TAX1BP1: variants seen among roughly 807,000 people sequenced by gnomAD.
The protein encoded by TAX1BP1 is tax1-binding protein 1.
TAX1BP1 carries 62 observed loss-of-function variants against 97.7 expected under a neutral mutation model. The ratio of observed to expected loss-of-function variants is 0.63; its 90% confidence interval spans 0.52 to 0.78. TAX1BP1 has a LOEUF of 0.78. TAX1BP1 is among the 30% of genes least tolerant of loss of function. TAX1BP1 has a pLI of 0.00. For missense variants in TAX1BP1, 867 were observed against 916.1 expected, an observed-to-expected ratio of 0.95 and a Z score of 0.69; for synonymous variants, 340 against 304.2, an observed-to-expected ratio of 1.12 and a Z score of -1.23.
chr7:27,819,313 T>A (rs1363979263), intron 15 of TAX1BP1, among the ~76,000 whole-genome samples: 1 of 152,210 alleles, frequency 6.6e-6, no homozygotes, highest in Non-Finnish European at 1.5e-5. Context: ...TTAATGTGTT[T>A]ATTTCATTCC....
chr7:27,820,792 A>C (rs961115939), intron 15 of TAX1BP1, among the ~76,000 whole-genome samples: 1 of 152,230 alleles, frequency 6.6e-6, no homozygotes, highest in African/African-American at 2.4e-5. Flanking sequence ...TAGATTAGGC[A>C]GTAGTTTCTT....
intron 15 of TAX1BP1, among the ~76,000 whole-genome samples, chr7:27,825,251 A>C (rs1198291663): frequency 6.7e-6 from 1 of 149,590 alleles, no homozygotes; most frequent in Non-Finnish European, 1.5e-5. Context: ...TTTTTTTTTA[A>C]CTGTCAGTCG....
intron 13 of TAX1BP1, among the ~76,000 whole-genome samples, chr7:27,804,870 T>G (rs1201511674): frequency 6.6e-6 from 1 of 152,258 alleles, no homozygotes; most frequent in Non-Finnish European, 1.5e-5. Flanking sequence ...CATCTTTTTT[T>G]AAACAGCTGT....
rs566614042 is a variant in TAX1BP1, at chr7:27,802,212, T to C, written c.1764+2122T>C. ...GGTGCTAGTTCTGTTAAGAATGTTCTAGGAGAAAAGAGACCCAATCACAGC... is the reference window on the plus strand; with the variant it reads ...GGTGCTAGTTCTGTTAAGAATGTTCCAGGAGAAAAGAGACCCAATCACAGC... On this transcript the variant is annotated intron_variant, in intron 13 of 16. Coordinates refer to ENST00000396319, the MANE Select transcript of TAX1BP1 (RefSeq NM_006024.7). 7.2e-5 allele frequency among the ~76,000 whole-genome samples: 11 copies of C among 152,330 alleles called. No individual in the cohort carries two copies. The South Asian group carries it at 2.3e-3, about 32-fold the overall frequency.
chr7:27,744,757 A>C (rs1002094446), intron 1 of TAX1BP1, among the ~76,000 whole-genome samples: 1 of 152,186 alleles, frequency 6.6e-6, no homozygotes, highest in Non-Finnish European at 1.5e-5. Flanking sequence ...TAAAGATAAC[A>C]TTGAAATGCT....
intron 15 of TAX1BP1, among the ~76,000 whole-genome samples, chr7:27,822,914 G>A (rs1040964250): frequency 3.3e-5 from 5 of 152,004 alleles, no homozygotes; most frequent in Admixed American, 1.3e-4. Context: ...TATAGTTTTA[G>A]CTCTTATATT....
intron 5 of TAX1BP1, among the ~76,000 whole-genome samples, chr7:27,782,028 A>T (rs184630678): frequency 1.3e-5 from 2 of 152,132 alleles, no homozygotes; most frequent in Non-Finnish European, 2.9e-5. Context: ...ACTATACTAA[A>T]TGTATAAAAT....
intron 5 of TAX1BP1, among the ~76,000 whole-genome samples, chr7:27,779,031 G>A (rs1035591006): frequency 2.6e-5 from 4 of 151,912 alleles, no homozygotes; most frequent in Admixed American, 1.3e-4. Flanking sequence ...GTAACCTTGA[G>A]TCTACTTTCT....
At chr7:27,811,369 T>C (rs1790553682) in intron 13 of TAX1BP1, among the ~76,000 whole-genome samples, 1 of 152,224 alleles carries the variant, frequency 6.6e-6, no homozygotes, top group African/African-American at 2.4e-5. Context: ...TAAGTTGACT[T>C]GCATTTTTCT....
At chr7:27,768,520 A>G (rs185902219) in intron 4 of TAX1BP1, among the ~76,000 whole-genome samples, 1 of 152,010 alleles carries the variant, frequency 6.6e-6, no homozygotes, top group East Asian at 1.9e-4. Context: ...ATGTTGTGCT[A>G]TGTCAAGATA....
chr7:27,799,497 A>G (rs1166068772), intron 12 of TAX1BP1, among the ~76,000 whole-genome samples: 1 of 152,146 alleles, frequency 6.6e-6, no homozygotes, highest in Admixed American at 6.5e-5. Context: ...CAAAAGTAAT[A>G]TATACTTATT....
chr7:27,775,824 A>G lies in TAX1BP1; in HGVS notation c.612+5990A>G, dbSNP rs539965327. ...CAGAATAAAAACCAACATGGACTTC[A>G]GTTTTCAGTCCGTTCTGGTGGGCTT... On this transcript the variant is annotated intron_variant, in intron 5 of 16. Transcript: ENST00000396319. 1.6e-4 allele frequency among the ~76,000 whole-genome samples: 25 copies of G among 152,248 alleles called. 2 individuals carry two copies. The highest frequency in any genetic ancestry group is 3.4e-3 in the Middle Eastern group (1 of 294).
chr7:27,790,782 G>GT (rs1789675754), intron 8 of TAX1BP1, among the ~76,000 whole-genome samples: 1 of 152,118 alleles, frequency 6.6e-6, no homozygotes, highest in South Asian at 2.1e-4. Context: ...AAAGATGCCA[G>GT]TTACAGTTTA....
At position 27,765,915 on chromosome 7, in the gene TAX1BP1, C is replaced by T. The variant is rs766755546; in HGVS notation, c.347C>T (p.Thr116Ile). The part of the protein sequence containing the change: ...THKGEIRGAS[T>I]PFQFRASSPV... ...AAGGGTGAAATTCGTGGAGCAAGTA[C>T]ACCTTTCCAGTTTCGAGCTTCTTCT... The change falls in exon 4 of 17, where the codon ACA (threonine) becomes ATA (isoleucine). Residue 116 changes from threonine (T) to isoleucine (I), a missense_variant. Physicochemically the swap from Thr to Ile is moderately conservative, Grantham distance 89. This residue lies in a region of TAX1BP1 where 822 missense variants were observed against 851.4 expected (regional missense o/e 0.97). Transcript: ENST00000396319. 3.0e-5 allele frequency: 48 copies of T among 1,614,014 alleles called. No individual in the cohort carries two copies. The highest frequency in any genetic ancestry group is 3.6e-5 in the Non-Finnish European group (42 of 1,180,014).
At chr7:27,807,598 C>T (rs536496125) in intron 13 of TAX1BP1, among the ~76,000 whole-genome samples, 3 of 152,130 alleles carry the variant, frequency 2.0e-5, no homozygotes, top group African/African-American at 7.2e-5. Context: ...GGTGATCTTT[C>T]ATTATTTGGT....
At chr7:27,774,948 G>T (rs544549969) in intron 5 of TAX1BP1, among the ~76,000 whole-genome samples, 161 of 152,164 alleles carry the variant, frequency 1.1e-3, no homozygotes, top group African/African-American at 3.7e-3. Context: ...CATTTACTTA[G>T]CATGTTTTGA....
intron 15 of TAX1BP1, 47 bp downstream of exon 15, chr7:27,817,085 A>C: frequency 6.3e-7 from 1 of 1,582,120 alleles, no homozygotes; most frequent in South Asian, 1.2e-5. Flanking sequence ...TTTATTTTTT[A>C]GCTTATGTAG....
intron 12 of TAX1BP1, among the ~76,000 whole-genome samples, chr7:27,798,630 C>G (rs1040059327): frequency 6.8e-6 from 1 of 147,226 alleles, no homozygotes; most frequent in Non-Finnish European, 1.5e-5. Context: ...CACCACTGCA[C>G]TCCAGCCTGG....
At chr7:27,754,946 G>A (rs781065415) in intron 2 of TAX1BP1, among the ~76,000 whole-genome samples, 2 of 151,930 alleles carry the variant, frequency 1.3e-5, no homozygotes, top group African/African-American at 2.4e-5. Flanking sequence ...TTTTAATGCC[G>A]TGATTTTTTC....
Sources: gnomAD v4.1 joint callset for allele counts (sites outside exome capture counted in the v4.1 genomes callset) on GRCh38, gnomAD v4.1.1 for gene constraint, gnomAD v4.1.1 regional missense constraint, MANE v1.5 for transcripts, NCBI Gene and HGNC (gene_info 2026-07-23, HGNC 2026-07-21) for gene names.